The following PLEKHA5 variants were observed in gnomAD, a reference collection of about 807,000 sequenced individuals.
PLEKHA5 encodes the protein pleckstrin homology domain-containing family A member 5.
Under a neutral mutation model 181.9 loss-of-function variants are expected in PLEKHA5, and 55 were observed. The observed-to-expected ratio is 0.30, with a 90% confidence interval of 0.24 to 0.38. The LOEUF (loss-of-function observed/expected upper bound fraction) is 0.38. PLEKHA5 is among the 10% of genes least tolerant of loss of function. PLEKHA5 has a pLI of 1.00. For synonymous variants in PLEKHA5, 535 were observed against 529.4 expected, an observed-to-expected ratio of 1.01 and a Z score of -0.15; for missense variants, 1,432 against 1,549.5, an observed-to-expected ratio of 0.92 and a Z score of 1.27.
intron 1 of PLEKHA5, 54 bp from the exon 2 acceptor site, chr12:19,129,997 C>A (rs1166788582): frequency 1.4e-6 from 2 of 1,479,360 alleles, no homozygotes; most frequent in Non-Finnish European, 1.8e-6. Context: ...CCCCTCGGCT[C>A]GCCCCCGCGT....
intron 3 of PLEKHA5, among the ~76,000 whole-genome samples, chr12:19,145,527 A>T (rs2038701458): frequency 6.6e-6 from 1 of 152,190 alleles, no homozygotes; most frequent in African/African-American, 2.4e-5. Context: ...ATTGTCCTGT[A>T]GGTACTATTC....
intron 3 of PLEKHA5, among the ~76,000 whole-genome samples, chr12:19,250,273 T>C (rs2064918815): frequency 6.6e-6 from 1 of 152,126 alleles, no homozygotes; most frequent in Admixed American, 6.6e-5. Context: ...TCTGTGACCA[T>C]AGGTATGTAT....
At chr12:19,279,914 AT>A (rs772983630) in intron 11 of PLEKHA5, among the ~76,000 whole-genome samples, 7 of 151,442 alleles carry the variant, frequency 4.6e-5, no homozygotes, top group Non-Finnish European at 7.4e-5. Flanking sequence ...TTAACATGAG[AT>A]TTTTCTCTTA....
rs142030429 is a variant in PLEKHA5, at chr12:19,274,873, G to A, written c.1203G>A (p.Gly401=). 176 of 1,614,002 alleles carry A rather than the reference G, an allele frequency of 1.1e-4. No homozygotes were observed. The African/African-American group carries it at 1.7e-3, about 16-fold the overall frequency. The part of the protein sequence containing the change: ...DLRGGNRPNT[G]PLYTEADRVI... ...GAGGTGGAAATCGCCCCAATACAGG[G>A]CCCTTATACACAGAGGCCGATCGAG... The change falls in exon 11 of 32, where the codon GGG becomes GGA. Residue 401 remains glycine (G), a synonymous_variant. Coordinates refer to ENST00000429027, the MANE Select transcript of PLEKHA5 (RefSeq NM_001256470.2).
intron 3 of PLEKHA5, among the ~76,000 whole-genome samples, chr12:19,229,567 G>C (rs184360669): frequency 2.0e-5 from 3 of 152,126 alleles, no homozygotes; most frequent in African/African-American, 7.2e-5. Flanking sequence ...GGCCTCAGGA[G>C]TGAAGCTACA....
At position 19,353,977 on chromosome 12, in the gene PLEKHA5, CT is replaced by C; in HGVS notation, c.3114del (p.Lys1039ArgfsTer3). 1 of 1,582,822 alleles carries C rather than the reference CT, an allele frequency of 6.3e-7. No individual in the cohort carries two copies. The highest frequency in any genetic ancestry group is 8.7e-7 in the Non-Finnish European group (1 of 1,151,930). On this transcript the variant is annotated frameshift_variant, in exon 26 of 32. Coordinates refer to ENST00000429027, the MANE Select transcript of PLEKHA5 (RefSeq NM_001256470.2). LOFTEE classifies it high-confidence loss of function. Reference sequence around the variant, plus strand: ...GCTTCCTATGTAACCTTGAGGAAAACTAAGAAGATGATGGATCTAAGAACGG... The same window carrying C: ...GCTTCCTATGTAACCTTGAGGAAAACAAGAAGATGATGGATCTAAGAACGG... ...TIASYVTLRKTKKMMDLRTER... is the reference protein window; with the variant it reads ...TIASYVTLRKXKKMMDLRTER...
chr12:19,299,646 G>C (rs2080906901), intron 15 of PLEKHA5, among the ~76,000 whole-genome samples: 1 of 152,182 alleles, frequency 6.6e-6, no homozygotes, highest in African/African-American at 2.4e-5. Context: ...ATTTGTAACA[G>C]AGTAGTAATG....
rs2064142040 is a variant in PLEKHA5 at position 19,247,805 on chromosome 12, CT to C, written c.228-6132del. Among the ~76,000 whole-genome samples the C allele has an allele frequency of 2.0e-5, 3 of 151,172 alleles. No homozygotes were observed. In the South Asian group the frequency reaches 6.3e-4, roughly 32 times the overall value. ...GGGCATTCGTTCATTTTATGCTGAC[CT>C]TTAGTAGAGCATAATCATCAAGTTG... On this transcript the variant is annotated intron_variant, in intron 3 of 31. Transcript: ENST00000429027.
intron 23 of PLEKHA5, among the ~76,000 whole-genome samples, chr12:19,346,151 G>A (rs1289509602): frequency 1.3e-5 from 2 of 151,968 alleles, no homozygotes; most frequent in Non-Finnish European, 2.9e-5. Flanking sequence ...TCTAATCTAA[G>A]TAATGTTTGA....
At chr12:19,189,405 A>G (rs10841175) in intron 3 of PLEKHA5, among the ~76,000 whole-genome samples, 16,129 of 152,218 alleles carry the variant, frequency 0.11, 1,557 homozygotes, top group African/African-American at 0.26. Context: ...GATTTTGCAG[A>G]TAGACTACAT....
intron 6 of PLEKHA5, among the ~76,000 whole-genome samples, chr12:19,260,210 A>G (rs1385447151): frequency 1.3e-5 from 2 of 152,218 alleles, no homozygotes; most frequent in East Asian, 3.9e-4. Flanking sequence ...CTTTATTCAT[A>G]GTCATTTTAA....
intron 3 of PLEKHA5, chr12:19,150,987 A>T (rs1159405652): frequency 6.6e-6 from 1 of 152,236 alleles, no homozygotes; most frequent in African/African-American, 2.4e-5. Context: ...GGAAGTAGTT[A>T]AACATGTATA....
chr12:19,328,558 A>AGTGTGTGTGTGT (rs56041821), intron 20 of PLEKHA5, among the ~76,000 whole-genome samples: 28 of 141,796 alleles, frequency 2.0e-4, no homozygotes, highest in South Asian at 7.1e-4. Flanking sequence ...CTTTCCTAGG[A>AGTGTGTGTGTGT]GTGTGTGTGT....
chr12:19,247,234 C>T (rs1325501796), intron 3 of PLEKHA5, among the ~76,000 whole-genome samples: 1 of 152,166 alleles, frequency 6.6e-6, no homozygotes, highest in Non-Finnish European at 1.5e-5. Flanking sequence ...ATAAAAGAAA[C>T]CTGTCACTTA....
chr12:19,248,322 A>G (rs2064314344), intron 3 of PLEKHA5, among the ~76,000 whole-genome samples: 1 of 152,126 alleles, frequency 6.6e-6, no homozygotes, highest in South Asian at 2.1e-4. Flanking sequence ...CGCAGCCACC[A>G]GAGTAGCTGG....
chr12:19,329,946 C>T (rs559517132), intron 20 of PLEKHA5, among the ~76,000 whole-genome samples: 52 of 151,484 alleles, frequency 3.4e-4, no homozygotes, highest in African/African-American at 9.7e-4. Flanking sequence ...AAAAACTAGC[C>T]GAGCGCAGTG....
chr12:19,322,712 G>A, intron 20 of PLEKHA5, 45 bp downstream of exon 20: 2 of 1,406,220 alleles, frequency 1.4e-6, no homozygotes, highest in Middle Eastern at 1.8e-4. Flanking sequence ...GCTTAAATAT[G>A]TAGTTCTATT....
intron 20 of PLEKHA5, among the ~76,000 whole-genome samples, chr12:19,332,738 A>G (rs1214007326): frequency 1.3e-5 from 2 of 152,196 alleles, no homozygotes; most frequent in African/African-American, 4.8e-5. Context: ...ATCTCAGCTC[A>G]CTGCAACCTG....
At chr12:19,241,429 T>C (rs1431200548) in intron 3 of PLEKHA5, among the ~76,000 whole-genome samples, 1 of 152,184 alleles carries the variant, frequency 6.6e-6, no homozygotes, top group Non-Finnish European at 1.5e-5. Flanking sequence ...ACACGATAAA[T>C]ACATACTGTC....
Sources: gnomAD v4.1 joint callset for allele counts (sites outside exome capture counted in the v4.1 genomes callset) on GRCh38, gnomAD v4.1.1 for gene constraint, MANE v1.5 for transcripts, NCBI Gene and HGNC (gene_info 2026-07-23, HGNC 2026-07-21) for gene names.